The following SHANK2 variants were observed in gnomAD, a reference collection of about 807,000 sequenced individuals.
SHANK2 encodes the protein SH3 and multiple ankyrin repeat domains protein 2.
A neutral mutation model predicts 133.7 loss-of-function variants in SHANK2; 43 were observed. The ratio of observed to expected loss-of-function variants is 0.32; its 90% confidence interval spans 0.25 to 0.41. The LOEUF (loss-of-function observed/expected upper bound fraction) is 0.41, where lower values mean the gene tolerates loss of function less well. Ranked by LOEUF, SHANK2 falls within the 10% of genes least tolerant of loss-of-function variation. SHANK2 has a pLI of 1.00. For synonymous variants in SHANK2, 1,017 were observed against 952.8 expected, an observed-to-expected ratio of 1.07 and a Z score of -1.24; for missense variants, 1,994 against 2,235.8, an observed-to-expected ratio of 0.89 and a Z score of 2.18.
At chr11:70,881,628 T>A (rs1949662759) in intron 11 of SHANK2, among the ~76,000 whole-genome samples, 1 of 151,048 alleles carries the variant, frequency 6.6e-6, no homozygotes, top group Non-Finnish European at 1.5e-5. Context: ...TGGATTGTCC[T>A]CTTCTGGGTA....
At chr11:70,745,749 T>C (rs1946624720) in intron 14 of SHANK2, among the ~76,000 whole-genome samples, 1 of 152,194 alleles carries the variant, frequency 6.6e-6, no homozygotes, top group Non-Finnish European at 1.5e-5. Flanking sequence ...CTGCCTCACC[T>C]GAGCTGTCCC....
chr11:71,096,638 C>A (rs1312451643), intron 6 of SHANK2, among the ~76,000 whole-genome samples: 1 of 152,184 alleles, frequency 6.6e-6, no homozygotes, highest in Admixed American at 6.5e-5. Context: ...CCACCAATAT[C>A]GACGCTGAAC....
intron 3 of SHANK2, among the ~76,000 whole-genome samples, chr11:71,142,220 C>T (rs1381907271): frequency 2.0e-5 from 3 of 152,138 alleles, no homozygotes; most frequent in East Asian, 1.9e-4. Context: ...CATGGCAGGC[C>T]GGGCGCGGTG....
chr11:70,614,226 C>T (rs1201532929), intron 17 of SHANK2, among the ~76,000 whole-genome samples: 5 of 152,094 alleles, frequency 3.3e-5, no homozygotes, highest in Non-Finnish European at 7.4e-5. Flanking sequence ...CTGGAGGGAG[C>T]GCTGCCCTGC....
rs1441324050 is a variant in SHANK2, at chr11:70,896,586, ATTAAG to A, written c.1108-24_1108-20del. 8.3e-6 allele frequency: 6 copies of A among 718,710 alleles called. No individual in the cohort carries two copies. The highest frequency in any genetic ancestry group is 1.6e-5 in the Non-Finnish European group (6 of 385,058). The allele number at this position is 718,710 out of a possible 1,614,324, so 44.5% of individuals were successfully genotyped here. On this transcript the variant is annotated intron_variant, in intron 10 of 25. Transcript: ENST00000601538. ...TGGCCACCTGCAAAGTGAAAATCACATTAAGTTAAGTGTCACCTGCAGAACAATGA... is the reference window on the plus strand; with the variant it reads ...TGGCCACCTGCAAAGTGAAAATCACATTAAGTGTCACCTGCAGAACAATGA...
At chr11:70,893,058 C>G (rs1949875400) in intron 11 of SHANK2, among the ~76,000 whole-genome samples, 1 of 152,202 alleles carries the variant, frequency 6.6e-6, no homozygotes. Flanking sequence ...GGGAGCCCCA[C>G]CCCAAATGCC....
intron 11 of SHANK2, among the ~76,000 whole-genome samples, chr11:70,871,980 A>G (rs1471328674): frequency 3.3e-5 from 5 of 152,196 alleles, no homozygotes; most frequent in Non-Finnish European, 7.3e-5. Flanking sequence ...TTCAACAAAT[A>G]CAGCCCCACG....
At chr11:70,873,408 G>A (rs1949503790) in intron 11 of SHANK2, among the ~76,000 whole-genome samples, 1 of 152,204 alleles carries the variant, frequency 6.6e-6, no homozygotes, top group Non-Finnish European at 1.5e-5. Context: ...AACAGGAAAT[G>A]GGAAACAGCA....
chr11:71,176,724 T>C (rs954396430), intron 2 of SHANK2, among the ~76,000 whole-genome samples: 1 of 151,978 alleles, frequency 6.6e-6, no homozygotes, highest in Non-Finnish European at 1.5e-5. Flanking sequence ...CAGTGAACCA[T>C]GAAACAATGT....
intron 12 of SHANK2, among the ~76,000 whole-genome samples, chr11:70,812,099 C>T (rs1168258106): frequency 6.6e-6 from 1 of 152,246 alleles, no homozygotes; most frequent in African/African-American, 2.4e-5. Context: ...AAGTCAGTAA[C>T]AAAGTGCCTG....
chr11:70,714,768 C>CT (rs1168908595), intron 14 of SHANK2, among the ~76,000 whole-genome samples: 17 of 148,948 alleles, frequency 1.1e-4, no homozygotes, highest in African/African-American at 2.7e-4. Flanking sequence ...TTCTTCCTTC[C>CT]TTTTTTTTTT....
intron 17 of SHANK2, among the ~76,000 whole-genome samples, chr11:70,601,631 C>T (rs958627495): frequency 3.9e-5 from 6 of 152,150 alleles, no homozygotes; most frequent in African/African-American, 9.7e-5. Flanking sequence ...AGATTACAGG[C>T]GTGAGCCACC....
At chr11:71,204,870 C>T (rs982579610) in intron 2 of SHANK2, among the ~76,000 whole-genome samples, 2 of 152,118 alleles carry the variant, frequency 1.3e-5, no homozygotes, top group African/African-American at 2.4e-5. Context: ...ATGCTGACCA[C>T]GGCCGGGCAG....
chr11:70,564,041 G>A (rs1049338236), intron 17 of SHANK2, among the ~76,000 whole-genome samples: 5 of 151,874 alleles, frequency 3.3e-5, no homozygotes, highest in African/African-American at 9.7e-5. Flanking sequence ...CATGTGTCAC[G>A]TGTCCTTTTA....
intron 15 of SHANK2, among the ~76,000 whole-genome samples, chr11:70,673,434 G>A (rs557756535): frequency 2.4e-4 from 37 of 152,278 alleles, no homozygotes; most frequent in African/African-American, 8.7e-4. Context: ...CTCAAAGCTC[G>A]CCCACAAAGA....
intron 17 of SHANK2, among the ~76,000 whole-genome samples, chr11:70,618,296 G>GAAAAA (rs33915522): frequency 4.5e-5 from 5 of 112,138 alleles, no homozygotes; most frequent in Non-Finnish European, 5.4e-5. Context: ...CTCGGTCTCA[G>GAAAAA]AAAAAAAAAA....
At chr11:70,813,569 G>T (rs552507390) in intron 12 of SHANK2, among the ~76,000 whole-genome samples, 1 of 152,062 alleles carries the variant, frequency 6.6e-6, no homozygotes, top group African/African-American at 2.4e-5. Context: ...GTGGGTAGGT[G>T]GGTGTGTCTT....
chr11:70,894,344 C>T (rs1555075275), intron 11 of SHANK2, among the ~76,000 whole-genome samples: 1 of 152,126 alleles, frequency 6.6e-6, no homozygotes, highest in African/African-American at 2.4e-5. Flanking sequence ...CCTGCCACCA[C>T]ACCCAGCTAA....
chr11:70,734,207 C>T (rs1472384640), intron 14 of SHANK2, among the ~76,000 whole-genome samples: 1 of 152,156 alleles, frequency 6.6e-6, no homozygotes, highest in Non-Finnish European at 1.5e-5. Flanking sequence ...GGTGTGGAGG[C>T]CCTTCCAGGG....
Sources: allele counts gnomAD v4.1 joint callset (sites outside exome capture counted in the v4.1 genomes callset), GRCh38; gene constraint gnomAD v4.1.1; transcripts MANE v1.5; gene names NCBI Gene and HGNC (gene_info 2026-07-23, HGNC 2026-07-21).